Variants in CSMD3 observed in about 807,000 individuals in gnomAD.
CSMD3 encodes the protein CUB and sushi domain-containing protein 3.
A neutral mutation model predicts 435.2 loss-of-function variants in CSMD3; 177 were observed. The observed-to-expected ratio is 0.41, with a 90% CI of 0.36 to 0.46. CSMD3 has a LOEUF of 0.46. CSMD3 is among the 20% of genes least tolerant of loss of function. The pLI, the probability that CSMD3 is intolerant of heterozygous loss-of-function variation, is 0.34. For missense variants in CSMD3, 4,265 were observed against 4,504.6 expected (o/e 0.95, Z 1.52); for synonymous variants, 1,656 against 1,520.5 (o/e 1.09, Z -2.07).
At chr8:112,832,941 C>T (rs1217990383) in intron 11 of CSMD3, among the ~76,000 whole-genome samples, 1 of 152,090 alleles carries the variant, frequency 6.6e-6, no homozygotes, top group African/African-American at 2.4e-5. Flanking sequence ...CAATGATCAG[C>T]AAACCCTAAA....
At chr8:112,362,701 G>A (rs1428608596) in intron 38 of CSMD3, among the ~76,000 whole-genome samples, 5 of 151,774 alleles carry the variant, frequency 3.3e-5, no homozygotes, top group Non-Finnish European at 7.4e-5. Context: ...GATGATTAGA[G>A]CGCGGTGGAA....
intron 27 of CSMD3, among the ~76,000 whole-genome samples, chr8:112,518,864 A>T (rs1823983249): frequency 6.6e-6 from 1 of 152,252 alleles, no homozygotes. Context: ...ACTTACAATC[A>T]TGGCAGAAGG....
At chr8:112,451,859 T>C (rs113523641) in intron 32 of CSMD3, among the ~76,000 whole-genome samples, 1,722 of 152,314 alleles carry the variant, frequency 0.011, 30 homozygotes, top group African/African-American at 0.039. Context: ...TAAATGTAGA[T>C]TTAATGGTGT....
At chr8:112,849,240 T>C (rs1259297864) in intron 11 of CSMD3, among the ~76,000 whole-genome samples, 4 of 152,072 alleles carry the variant, frequency 2.6e-5, no homozygotes, top group Non-Finnish European at 5.9e-5. Flanking sequence ...CAAAGAATTG[T>C]ATTTTCTTCG....
intron 3 of CSMD3, among the ~76,000 whole-genome samples, chr8:113,205,182 C>G (rs933317559): frequency 1.3e-5 from 2 of 152,096 alleles, no homozygotes; most frequent in Non-Finnish European, 2.9e-5. Context: ...GGGGTTTCAC[C>G]ATGTTGGCCA....
chr8:112,909,539 T>A (rs1427424085), intron 10 of CSMD3, among the ~76,000 whole-genome samples: 1 of 151,848 alleles, frequency 6.6e-6, no homozygotes, highest in East Asian at 1.9e-4. Flanking sequence ...GAAATGTTGA[T>A]ACTTTTGACA....
chr8:112,302,855 T>G (rs1213995675), intron 52 of CSMD3, among the ~76,000 whole-genome samples: 1 of 151,166 alleles, frequency 6.6e-6, no homozygotes, highest in Non-Finnish European at 1.5e-5. Context: ...ATTATTGATA[T>G]ACTAATATTA....
At chr8:112,898,498 T>C (rs1390926105) in intron 10 of CSMD3, among the ~76,000 whole-genome samples, 1 of 151,272 alleles carries the variant, frequency 6.6e-6, no homozygotes, top group African/African-American at 2.4e-5. Context: ...GACGCTATAT[T>C]TAACTTCATT....
chr8:112,377,862 C>T (rs1213261813), intron 38 of CSMD3, among the ~76,000 whole-genome samples: 2 of 151,938 alleles, frequency 1.3e-5, no homozygotes, highest in African/African-American at 2.4e-5. Context: ...ATAATAAAGA[C>T]CATATATGAA....
intron 59 of CSMD3, among the ~76,000 whole-genome samples, chr8:112,268,628 T>G (rs991295104): frequency 1.3e-5 from 2 of 152,196 alleles, no homozygotes; most frequent in Non-Finnish European, 2.9e-5. Context: ...ATATAATTTA[T>G]GCAACCAAAG....
intron 28 of CSMD3, among the ~76,000 whole-genome samples, chr8:112,507,247 C>T (rs1822629671): frequency 6.6e-6 from 1 of 152,150 alleles, no homozygotes; most frequent in Non-Finnish European, 1.5e-5. Context: ...AGCTTATTTT[C>T]ATGTCTCTCC....
chr8:112,829,838 A>G, intron 11 of CSMD3, 49 bp from the exon 12 acceptor site: 1 of 956,472 alleles, frequency 1.0e-6, no homozygotes. Flanking sequence ...GTTGTGCAAT[A>G]AAAACAACAA....
chr8:112,294,557 A>C (rs1029390093), intron 54 of CSMD3, among the ~76,000 whole-genome samples: 1 of 152,094 alleles, frequency 6.6e-6, no homozygotes, highest in Non-Finnish European at 1.5e-5. Flanking sequence ...GATGTACTAG[A>C]GTTTATCATT....
intron 3 of CSMD3, among the ~76,000 whole-genome samples, chr8:113,243,167 A>T (rs2093238479): frequency 6.6e-6 from 1 of 151,908 alleles, no homozygotes; most frequent in African/African-American, 2.4e-5. Flanking sequence ...GCTCCACTTA[A>T]AACTGAAAGA....
At chr8:113,363,443 A>C (rs893947580) in intron 1 of CSMD3, among the ~76,000 whole-genome samples, 3 of 152,134 alleles carry the variant, frequency 2.0e-5, no homozygotes, top group Non-Finnish European at 4.4e-5. Context: ...TGATAGCTTA[A>C]AACAATAAAA....
At chr8:112,464,414 A>G (rs1450860091) in intron 32 of CSMD3, among the ~76,000 whole-genome samples, 5 of 152,088 alleles carry the variant, frequency 3.3e-5, no homozygotes, top group Admixed American at 3.3e-4. Flanking sequence ...TAAAGCAACC[A>G]TTGTTTCTAA....
chr8:112,795,403 G>C (rs2078804218), intron 13 of CSMD3, among the ~76,000 whole-genome samples: 1 of 152,114 alleles, frequency 6.6e-6, no homozygotes, highest in South Asian at 2.1e-4. Flanking sequence ...TGTTTGACTA[G>C]AAGTTAGATG....
chr8:112,415,936 T>C (rs545610335), intron 32 of CSMD3, among the ~76,000 whole-genome samples: 1 of 152,352 alleles, frequency 6.6e-6, no homozygotes, highest in Admixed American at 6.5e-5. Context: ...GATAACTAAC[T>C]TGCTTTTGCT....
At chr8:112,596,361 T>A (rs1231811645) in intron 22 of CSMD3, among the ~76,000 whole-genome samples, 1 of 152,020 alleles carries the variant, frequency 6.6e-6, no homozygotes, top group Non-Finnish European at 1.5e-5. Flanking sequence ...CCCAGATTCA[T>A]AAAGCAAGTC....
Sources: gnomAD v4.1 joint callset for allele counts (sites outside exome capture counted in the v4.1 genomes callset) on GRCh38, gnomAD v4.1.1 for gene constraint, MANE v1.5 for transcripts, NCBI Gene and HGNC (gene_info 2026-07-23, HGNC 2026-07-21) for gene names.